KIF7: variants seen among roughly 807,000 people sequenced by gnomAD.
The protein encoded by KIF7 is kinesin family member 7.
Under a neutral mutation model 135.7 loss-of-function variants are expected in KIF7, and 104 were observed. The observed-to-expected ratio is 0.77, with a 90% CI of 0.65 to 0.90. The LOEUF (loss-of-function observed/expected upper bound fraction) is 0.90. Among genes scored for constraint, KIF7 ranks in the 40% least tolerant of loss-of-function variants. The pLI is 0.00. For synonymous variants in KIF7, 883 were observed against 809.4 expected, an observed-to-expected ratio of 1.09 and a Z score of -1.54; for missense variants, 2,005 against 1,839.1, an observed-to-expected ratio of 1.09 and a Z score of -1.65.
intron 10 of KIF7, among the ~76,000 whole-genome samples, chr15:89,644,543 G>A (rs1963976412): frequency 6.6e-6 from 1 of 151,990 alleles, no homozygotes; most frequent in South Asian, 2.1e-4. Flanking sequence ...AAATTAGGTG[G>A]GTGTGGTGGC....
At chr15:89,624,152 C>T, downstream of KIF7, 2 of 1,613,944 alleles carry the variant, frequency 1.2e-6, no homozygotes, top group Non-Finnish European at 1.7e-6. Flanking sequence ...GAGGAACCAG[C>T]CCAGAAACTA....
At position 89,631,490 on chromosome 15, in the gene KIF7, G is replaced by A. The variant is rs1963674977; in HGVS notation, c.3111+5C>T. The A allele has an allele frequency of 1.9e-6, 3 of 1,565,638 alleles. No homozygotes were observed. Among genetic ancestry groups the A allele is most frequent in the South Asian group, 1.2e-5 (1 of 85,374 alleles). ...AAGGGGCTGAGCCATGGGGCCGCAG[G>A]GTACCTCGGGGGACAGCAGACTCCC... On this transcript the variant is annotated splice_donor_5th_base_variant and intron_variant, in intron 15 of 18. Coordinates refer to ENST00000394412, the MANE Select transcript of KIF7 (RefSeq NM_198525.3).
Position 89,630,476 on chromosome 15 carries a change from G to A in KIF7, c.3129C>T (p.Phe1043=), listed in dbSNP as rs1471724212. ...GGGCCTCGATGGCCTCATCCAACTG[G>A]AACAGCGTCCGCTCCTCCTGCAGAG... The part of the protein sequence containing the change: ...LLSPEEERTL[F]QLDEAIEALD... Residue 1043 remains phenylalanine, a synonymous_variant, in exon 16 of 19, where the codon TTC becomes TTT. Coordinates refer to ENST00000394412, the MANE Select transcript of KIF7 (RefSeq NM_198525.3). 12 of 1,552,966 alleles carry A rather than the reference G, an allele frequency of 7.7e-6. No individual in the cohort carries two copies. The highest frequency in any genetic ancestry group is 8.7e-6 in the Non-Finnish European group (10 of 1,149,408).
rs555401077 is a variant in KIF7, at chr15:89,650,710, A to G, written c.329-769T>C. 3.3e-5 allele frequency among the ~76,000 whole-genome samples: 5 copies of G among 152,096 alleles called. No individual in the cohort carries two copies. The South Asian group carries it at 8.3e-4, about 25-fold the overall frequency. On this transcript the variant is annotated intron_variant, in intron 2 of 18. Transcript: ENST00000394412. ...CCTAACCAACTATTTTATATTCACAATGGAATGCCAGGTAGCCATTAAAAA... is the reference window on the plus strand; with the variant it reads ...CCTAACCAACTATTTTATATTCACAGTGGAATGCCAGGTAGCCATTAAAAA...
At chr15:89,655,905 C>A (rs1964201782), upstream of KIF7, among the ~76,000 whole-genome samples, 1 of 152,162 alleles carries the variant, frequency 6.6e-6, no homozygotes, top group African/African-American at 2.4e-5. Context: ...TCAAGGGAAA[C>A]TTGGCACCAG....
intron 18 of KIF7, 30 bp from the exon 19 acceptor site, chr15:89,628,816 G>GA: frequency 1.2e-6 from 2 of 1,611,712 alleles, no homozygotes; most frequent in Non-Finnish European, 1.7e-6. Context: ...GTCCTCATCA[G>GA]AAACAGGTGG....
At position 89,642,271 on chromosome 15, in the gene KIF7, C is replaced by G. The variant is rs1249809748; in HGVS notation, c.2326G>C (p.Asp776His). The change falls in exon 11 of 19, where the codon GAT (aspartate) becomes CAT (histidine). Residue 776 changes from aspartate to histidine, a missense_variant. Physicochemically the swap from Asp to His is moderately conservative, Grantham distance 81 (BLOSUM62 -1). Transcript: ENST00000394412. ...LRELEGKELQ[D>H]AGERSRLQEF... ...TGGAGCCGAGACCGCTCGCCAGCAT[C>G]CTGGAGCTCCTTGCCCTCGAGCTCC... is the stretch of plus-strand genomic sequence containing the variant. The G allele has an allele frequency of 6.2e-7, 1 of 1,610,412 alleles. No individual in the cohort carries two copies. The highest frequency in any genetic ancestry group is 8.5e-7 in the Non-Finnish European group (1 of 1,179,752).
At chr15:89,617,543 G>C (rs569459100) in intron 2 of KIF7, among the ~76,000 whole-genome samples, 1 of 152,248 alleles carries the variant, frequency 6.6e-6, no homozygotes, top group South Asian at 2.1e-4. Context: ...CTTTTTCTGA[G>C]TAGGAATCTC....
chr15:89,645,441 T>C lies in KIF7; in HGVS notation c.1933A>G (p.Ser645Gly), dbSNP rs372447563. The stretch of plus-strand genomic sequence containing the variant: ...GCCCCCGCCCTCTGACTGCAGTTGC[T>C]GATCCTATTTCTGGAGGACAGAAGC... The part of the protein sequence containing the change: ...RTLHLRRNRI[S>G]NCSQRAGARP... The change falls in exon 9 of 19, where the codon AGC becomes GGC. Residue 645 changes from serine to glycine, a missense_variant. Coordinates refer to ENST00000394412, the MANE Select transcript of KIF7 (RefSeq NM_198525.3). The C allele has an allele frequency of 1.2e-6, 2 of 1,612,594 alleles. No individual in the cohort carries two copies. The highest frequency in any genetic ancestry group is 1.7e-6 in the Non-Finnish European group (2 of 1,179,204).
intron 1 of KIF7, 67 bp from the exon 2 acceptor site, chr15:89,653,021 G>A: frequency 7.9e-7 from 1 of 1,273,884 alleles, no homozygotes; most frequent in Non-Finnish European, 1.0e-6. Flanking sequence ...CACCCTGCAG[G>A]GGACTCGAGC....
chr15:89,627,504 T>C (rs1211749147), downstream of KIF7: 1 of 186,844 alleles, frequency 5.4e-6, no homozygotes, highest in African/African-American at 2.3e-5. Flanking sequence ...CTTTGTAAAC[T>C]GTGAAGCCAT....
chr15:89,633,452 G>T (rs1286450426), intron 12 of KIF7, among the ~76,000 whole-genome samples, 186 bp from the exon 13 acceptor site: 2 of 152,174 alleles, frequency 1.3e-5, no homozygotes, highest in Non-Finnish European at 2.9e-5. Context: ...TTAGAAATAA[G>T]CCCCACAAGA....
At chr15:89,647,895 A>AT (rs1964044514) in intron 5 of KIF7, among the ~76,000 whole-genome samples, 183 bp from the exon 6 acceptor site, 1 of 152,136 alleles carries the variant, frequency 6.6e-6, no homozygotes, top group Non-Finnish European at 1.5e-5. Flanking sequence ...TCTGCAAGCC[A>AT]TTTGGGTCAT....
chr15:89,620,844 T>C (rs1281169666), intron 1 of KIF7, among the ~76,000 whole-genome samples: 1 of 151,852 alleles, frequency 6.6e-6, no homozygotes, highest in Admixed American at 6.6e-5. Flanking sequence ...TGCCTCAGCC[T>C]CCTGAGTAGC....
intron 10 of KIF7, among the ~76,000 whole-genome samples, chr15:89,643,886 A>G (rs959312249): frequency 2.3e-3 from 12 of 5,120 alleles, no homozygotes; most frequent in African/African-American, 3.9e-3. Context: ...TCCGTCTCAG[A>G]AAAAAAAAAA....
chr15:89,644,115 G>A (rs1237144258), intron 10 of KIF7, among the ~76,000 whole-genome samples: 1 of 152,078 alleles, frequency 6.6e-6, no homozygotes, highest in Non-Finnish European at 1.5e-5. Context: ...TGGAGGATGG[G>A]TATATGGGAC....
chr15:89,648,950 C>T, intron 4 of KIF7, 24 bp downstream of exon 4: 7 of 1,516,822 alleles, frequency 4.6e-6, no homozygotes, highest in Non-Finnish European at 5.3e-6. Flanking sequence ...CCCCAGGCCA[C>T]ATAGGAGCCA....
intron 15 of KIF7, 72 bp downstream of exon 15, chr15:89,631,423 C>T: frequency 7.3e-7 from 1 of 1,361,022 alleles, no homozygotes; most frequent in Non-Finnish European, 1.0e-6. Flanking sequence ...AGGGCTGGAG[C>T]AAGGGCTGAG....
At chr15:89,624,420 G>A, downstream of KIF7, 1 of 1,614,160 alleles carries the variant, frequency 6.2e-7, no homozygotes, top group South Asian at 1.1e-5. Context: ...GAGCTACATT[G>A]GACACCGTCC....
Sources: gnomAD v4.1 joint callset for allele counts (sites outside exome capture counted in the v4.1 genomes callset) on GRCh38, gnomAD v4.1.1 for gene constraint, MANE v1.5 for transcripts, NCBI Gene and HGNC (gene_info 2026-07-23, HGNC 2026-07-21) for gene names.